Variants in PWWP2A observed in about 807,000 individuals in gnomAD.
PWWP2A encodes PWWP domain-containing protein 2A.
In PWWP2A, 18 loss-of-function variants were observed where a neutral mutation model predicts 48.5. The observed-to-expected ratio is 0.37, with a 90% confidence interval of 0.26 to 0.55. The LOEUF is 0.55. Among genes scored for constraint, PWWP2A ranks in the 20% least tolerant of loss-of-function variants. The pLI is 0.81. For synonymous variants in PWWP2A, 396 were observed against 387.7 expected (o/e 1.02, Z -0.25); for missense variants, 867 against 976.4 (o/e 0.89, Z 1.49).
At chr5:160,056,141 A>G in the PWWP2A span, among the ~76,000 whole-genome samples, 3 of 152,202 alleles carry the variant, frequency 2.0e-5, no homozygotes, top group Non-Finnish European at 4.4e-5. Context: ...CAGTTACTTG[A>G]AACTTATCTA....
chr5:160,081,236 C>G (rs573541058), intron 2 of PWWP2A, among the ~76,000 whole-genome samples: 61 of 145,934 alleles, frequency 4.2e-4, no homozygotes, highest in Admixed American at 1.4e-3. Context: ...GCTCAATGAC[C>G]CCCTTTTTTT....
the PWWP2A span, chr5:160,051,265 A>G: frequency 4.3e-6 from 5 of 1,166,420 alleles, no homozygotes; most frequent in Non-Finnish European, 4.9e-6. Flanking sequence ...AGGAGAACAC[A>G]TGAGTTAGAA....
At chr5:160,056,590 G>T in the PWWP2A span, among the ~76,000 whole-genome samples, 1 of 152,158 alleles carries the variant, frequency 6.6e-6, no homozygotes, top group Non-Finnish European at 1.5e-5. Flanking sequence ...CCGGCATGTG[G>T]CATGTGCCTG....
chr5:160,045,490 A>T, the PWWP2A span, among the ~76,000 whole-genome samples: 4 of 123,070 alleles, frequency 3.3e-5, 1 homozygote, highest in African/African-American at 1.3e-4. Context: ...ACACACACAC[A>T]CACACACACA....
At chr5:160,049,630 C>A in the PWWP2A span, 5 of 1,594,156 alleles carry the variant, frequency 3.1e-6, no homozygotes, top group Non-Finnish European at 4.3e-6. Flanking sequence ...AGAAAAAGAT[C>A]CATCAATACA....
chr5:160,065,441 T>C (rs368330017), intron 4 of PWWP2A: 5 of 464,292 alleles, frequency 1.1e-5, no homozygotes, highest in East Asian at 6.8e-5. Context: ...ACATGATTGA[T>C]GACGGGTTCC....
chr5:160,047,780 G>A, the PWWP2A span, among the ~76,000 whole-genome samples: 1 of 152,130 alleles, frequency 6.6e-6, no homozygotes, highest in African/African-American at 2.4e-5. Flanking sequence ...CTCCTCCTTA[G>A]CCTTTCACAT....
At chr5:160,113,204 G>A in intron 1 of PWWP2A, 1 of 980,284 alleles carries the variant, frequency 1.0e-6, no homozygotes, top group South Asian at 4.7e-5. Context: ...ACTCTGTCCA[G>A]TCAATAATTT....
chr5:160,046,078 C>T, the PWWP2A span, among the ~76,000 whole-genome samples: 5 of 152,130 alleles, frequency 3.3e-5, no homozygotes, highest in Admixed American at 2.0e-4. Flanking sequence ...TCTCCTGACC[C>T]AATATTCTCC....
At chr5:160,080,626 G>T in intron 3 of PWWP2A, 2 of 1,506,980 alleles carry the variant, frequency 1.3e-6, no homozygotes, top group Non-Finnish European at 1.8e-6. Flanking sequence ...TCTTCACTTT[G>T]TGGCAGGGCT....
chr5:160,113,651 G>A (rs1167198174), intron 1 of PWWP2A, among the ~76,000 whole-genome samples: 4 of 152,248 alleles, frequency 2.6e-5, no homozygotes, highest in East Asian at 1.9e-4. Context: ...TGTATTCCCC[G>A]GTATTCAGCT....
intron 1 of PWWP2A, among the ~76,000 whole-genome samples, chr5:160,109,799 ATATATAT>A (rs1757345825): frequency 1.5e-5 from 2 of 129,890 alleles, no homozygotes; most frequent in South Asian, 2.4e-4. Flanking sequence ...ATATATATAT[ATATATAT>A]ATAAAATAAT....
At chr5:160,065,851 A>G (rs570930846) in intron 4 of PWWP2A, among the ~76,000 whole-genome samples, 4 of 152,362 alleles carry the variant, frequency 2.6e-5, no homozygotes, top group African/African-American at 9.6e-5. Context: ...ATGGTAGTAT[A>G]TGAACCCCAG....
the PWWP2A span, among the ~76,000 whole-genome samples, chr5:160,048,983 C>T: frequency 7.9e-5 from 12 of 152,028 alleles, no homozygotes; most frequent in Non-Finnish European, 1.3e-4. Flanking sequence ...TCTTTCACTG[C>T]GCACTTGAAC....
At chr5:160,069,366 G>A (rs994372612) in intron 2 of PWWP2A, among the ~76,000 whole-genome samples, 9 of 152,112 alleles carry the variant, frequency 5.9e-5, no homozygotes, top group East Asian at 3.8e-4. Context: ...TGGTATCACC[G>A]AATCAAGGTC....
chr5:160,081,063 A>T (rs1256024045), intron 2 of PWWP2A, among the ~76,000 whole-genome samples: 1 of 152,122 alleles, frequency 6.6e-6, no homozygotes, highest in Non-Finnish European at 1.5e-5. Flanking sequence ...CTCCAAGCAA[A>T]CTAACAAATG....
At chr5:160,110,164 G>A (rs1368346680) in intron 1 of PWWP2A, among the ~76,000 whole-genome samples, 1 of 151,426 alleles carries the variant, frequency 6.6e-6, no homozygotes, top group Non-Finnish European at 1.5e-5. Flanking sequence ...GGGATTACAG[G>A]CACACACCAC....
At chr5:160,064,891 T>C in intron 4 of PWWP2A, 1 of 1,591,530 alleles carries the variant, frequency 6.3e-7, no homozygotes, top group Non-Finnish European at 8.5e-7. Flanking sequence ...CTGCTTCTGT[T>C]CATTCCTGTA....
At chr5:160,117,894 A>G in intron 1 of PWWP2A, 1 of 984,660 alleles carries the variant, frequency 1.0e-6, no homozygotes, top group South Asian at 4.7e-5. Flanking sequence ...ACAGAATGGA[A>G]AGCCGTGAAT....
Sources: gnomAD v4.1 joint callset for allele counts (sites outside exome capture counted in the v4.1 genomes callset) on GRCh38, gnomAD v4.1.1 for gene constraint, MANE v1.5 for transcripts, NCBI Gene and HGNC (gene_info 2026-07-23, HGNC 2026-07-21) for gene names.